RPS6KC1: variants seen among roughly 807,000 people sequenced by gnomAD.
RPS6KC1 encodes the protein inactive ribosomal protein S6 kinase delta-1.
RPS6KC1 carries 54 observed loss-of-function variants against 103.8 expected under a neutral mutation model. The observed-to-expected ratio is 0.52, with a 90% CI of 0.42 to 0.65. The LOEUF (loss-of-function observed/expected upper bound fraction) is 0.65, where lower values mean the gene tolerates loss of function less well. RPS6KC1 is among the 30% of genes least tolerant of loss of function. The pLI, the probability that RPS6KC1 is intolerant of heterozygous loss-of-function variation, is 0.00. For synonymous variants in RPS6KC1, 439 were observed against 438.7 expected (o/e 1.00, Z -0.01); for missense variants, 1,151 against 1,253.8 (o/e 0.92, Z 1.24).
chr1:213,421,585 G>A, the RPS6KC1 span, among the ~76,000 whole-genome samples: 114 of 152,222 alleles, frequency 7.5e-4, no homozygotes, highest in Non-Finnish European at 1.1e-3. Flanking sequence ...TGGGGCTCCA[G>A]GTTGCCAGCT....
At chr1:213,066,098 A>T (rs895083808) in intron 1 of RPS6KC1, among the ~76,000 whole-genome samples, 1 of 152,230 alleles carries the variant, frequency 6.6e-6, no homozygotes, top group Non-Finnish European at 1.5e-5. Flanking sequence ...CGCAAATGTA[A>T]ATGTACAGAG....
At chr1:213,415,348 C>T in the RPS6KC1 span, among the ~76,000 whole-genome samples, 2 of 152,236 alleles carry the variant, frequency 1.3e-5, no homozygotes, top group African/African-American at 4.8e-5. Flanking sequence ...AATAGCTCTC[C>T]AGTGCTGGGG....
chr1:213,782,591 A>T, the RPS6KC1 span, among the ~76,000 whole-genome samples: 4 of 152,202 alleles, frequency 2.6e-5, no homozygotes, highest in African/African-American at 9.6e-5. Context: ...CTAATTTTTA[A>T]TTGGATTTGT....
the RPS6KC1 span, among the ~76,000 whole-genome samples, chr1:213,744,289 A>C: frequency 1.3e-5 from 2 of 152,196 alleles, no homozygotes; most frequent in Non-Finnish European, 2.9e-5. Flanking sequence ...CCCAAAAACT[A>C]TTGAAATAAT....
chr1:213,610,098 A>G, the RPS6KC1 span, among the ~76,000 whole-genome samples: 1 of 152,160 alleles, frequency 6.6e-6, no homozygotes, highest in African/African-American at 2.4e-5. Context: ...GCCTTTGTTT[A>G]CACTGAGCAT....
the RPS6KC1 span, among the ~76,000 whole-genome samples, chr1:213,667,488 A>G: frequency 1.3e-3 from 202 of 152,356 alleles, no homozygotes; most frequent in Non-Finnish European, 2.4e-3. Context: ...TTATTGCTAA[A>G]AAATGTTAAC....
chr1:213,534,179 A>G, the RPS6KC1 span, among the ~76,000 whole-genome samples: 2 of 152,318 alleles, frequency 1.3e-5, no homozygotes, highest in African/African-American at 4.8e-5. Context: ...TGCTGTGATC[A>G]ATTAGTGATG....
intron 8 of RPS6KC1, among the ~76,000 whole-genome samples, chr1:213,207,893 G>A (rs767996641): frequency 6.6e-6 from 1 of 152,020 alleles, no homozygotes; most frequent in Non-Finnish European, 1.5e-5. Flanking sequence ...GGCTGGTCTT[G>A]AACGCCATAC....
chr1:213,597,367 T>C, the RPS6KC1 span, among the ~76,000 whole-genome samples: 3 of 152,160 alleles, frequency 2.0e-5, no homozygotes, highest in African/African-American at 7.2e-5. Flanking sequence ...GTTTGGGCCA[T>C]GTCCGCCAGT....
chr1:213,261,083 T>A (rs2094782779), intron 12 of RPS6KC1, among the ~76,000 whole-genome samples: 1 of 152,212 alleles, frequency 6.6e-6, no homozygotes, highest in Admixed American at 6.5e-5. Context: ...TCTCCTACAA[T>A]GTGACATTGG....
chr1:213,290,182 A>T, the RPS6KC1 span, among the ~76,000 whole-genome samples: 1 of 149,174 alleles, frequency 6.7e-6, no homozygotes, highest in African/African-American at 2.5e-5. Context: ...TCAATCGGTC[A>T]TGCCTCAATG....
chr1:213,135,652 G>A (rs2086188252), intron 6 of RPS6KC1, among the ~76,000 whole-genome samples: 1 of 152,132 alleles, frequency 6.6e-6, no homozygotes, highest in South Asian at 2.1e-4. Flanking sequence ...TTTTAAAACA[G>A]TCTAATTAAG....
chr1:213,606,466 G>C, the RPS6KC1 span, among the ~76,000 whole-genome samples: 1 of 152,220 alleles, frequency 6.6e-6, no homozygotes, highest in Non-Finnish European at 1.5e-5. Context: ...AGTCAGGGCA[G>C]CGAGAAAGCC....
the RPS6KC1 span, among the ~76,000 whole-genome samples, chr1:213,660,479 A>G: frequency 1.3e-5 from 2 of 152,238 alleles, no homozygotes; most frequent in Non-Finnish European, 2.9e-5. Flanking sequence ...CCCCAATTAG[A>G]AAAACCAAAA....
chr1:213,651,706 G>T, the RPS6KC1 span, among the ~76,000 whole-genome samples: 1 of 152,216 alleles, frequency 6.6e-6, no homozygotes, highest in Non-Finnish European at 1.5e-5. Context: ...TGACTCCAAA[G>T]GCAAGGAGTT....
chr1:213,809,602 G>A, the RPS6KC1 span, among the ~76,000 whole-genome samples: 6 of 152,122 alleles, frequency 3.9e-5, no homozygotes, highest in South Asian at 6.2e-4. Flanking sequence ...TACTACATAC[G>A]CCCTCACAAA....
At chr1:213,740,167 C>A in the RPS6KC1 span, among the ~76,000 whole-genome samples, 1 of 152,022 alleles carries the variant, frequency 6.6e-6, no homozygotes, top group Non-Finnish European at 1.5e-5. Flanking sequence ...TCACAGTGGC[C>A]ATATCAGGGC....
the RPS6KC1 span, chr1:213,832,749 C>CT: frequency 6.6e-6 from 1 of 152,206 alleles, no homozygotes; most frequent in African/African-American, 2.4e-5. Flanking sequence ...TTATTCATCT[C>CT]TTTAACATGA....
chr1:213,619,979 A>C, the RPS6KC1 span, among the ~76,000 whole-genome samples: 1 of 152,134 alleles, frequency 6.6e-6, no homozygotes, highest in African/African-American at 2.4e-5. Flanking sequence ...GTAGTTTCCA[A>C]TTTTTTAAAT....
Sources: allele counts gnomAD v4.1 joint callset (sites outside exome capture counted in the v4.1 genomes callset), GRCh38; gene constraint gnomAD v4.1.1; transcripts MANE v1.5; gene names NCBI Gene and HGNC (gene_info 2026-07-23, HGNC 2026-07-21).